The following PTPN2 variants were observed in gnomAD, a reference collection of about 807,000 sequenced individuals.
PTPN2 encodes the protein tyrosine-protein phosphatase non-receptor type 2.
Under a neutral mutation model 57.3 loss-of-function variants are expected in PTPN2, and 19 were observed. That is an observed-to-expected ratio of 0.33 (90% CI 0.23 to 0.49). The LOEUF (loss-of-function observed/expected upper bound fraction) is 0.49. Among genes scored for constraint, PTPN2 ranks in the 20% least tolerant of loss-of-function variants. The pLI is 0.99. For missense variants in PTPN2, 358 were observed against 501.1 expected (o/e 0.71, Z 2.73); for synonymous variants, 153 against 164.9 (o/e 0.93, Z 0.55).
At chr18:12,843,051 C>A (rs1449571724) in intron 2 of PTPN2, among the ~76,000 whole-genome samples, 2 of 152,090 alleles carry the variant, frequency 1.3e-5, no homozygotes, top group African/African-American at 4.8e-5. Flanking sequence ...TGGAATTTTG[C>A]GACGCAGATG....
At chr18:12,814,750 T>C (rs915562359) in intron 6 of PTPN2, among the ~76,000 whole-genome samples, 1 of 152,040 alleles carries the variant, frequency 6.6e-6, no homozygotes, top group East Asian at 1.9e-4. Flanking sequence ...GCCTCCTTCA[T>C]GTCTGCACTA....
chr18:12,824,438 T>A (rs2042376564), intron 5 of PTPN2, among the ~76,000 whole-genome samples: 1 of 152,200 alleles, frequency 6.6e-6, no homozygotes, highest in South Asian at 2.1e-4. Context: ...AAAAAGCATG[T>A]ATATATCTCC....
chr18:12,864,804 T>A (rs866900336), intron 1 of PTPN2, among the ~76,000 whole-genome samples: 1 of 152,240 alleles, frequency 6.6e-6, no homozygotes, highest in East Asian at 1.9e-4. Context: ...GAGATATATA[T>A]GCATGGCTTA....
rs79105510 is a variant in PTPN2, at chr18:12,804,441, A to G, written c.859-2290T>C. ...AATGGAAATAAAGTGACCAAAAAAAAGAAACGAAAGATCAACAAAACCAAG... is the reference window on the plus strand; with the variant it reads ...AATGGAAATAAAGTGACCAAAAAAAGGAAACGAAAGATCAACAAAACCAAG... On this transcript the variant is annotated intron_variant, in intron 7 of 8. Transcript: ENST00000309660. Among the ~76,000 whole-genome samples the G allele has an allele frequency of 4.0e-5, 6 of 148,444 alleles. No individual in the cohort carries two copies. The South Asian group carries it at 1.3e-3, about 32-fold the overall frequency.
chr18:12,807,514 G>A lies in PTPN2; in HGVS notation c.859-5363C>T, dbSNP rs1253548060. Among the ~76,000 whole-genome samples, 2 of 130,418 alleles carry A rather than the reference G, an allele frequency of 1.5e-5. 1 individual carries two copies. The highest frequency in any genetic ancestry group is 5.8e-5 in the African/African-American group (2 of 34,586). The allele number at this position is 130,418 out of a possible 152,430, so 85.6% of individuals were successfully genotyped here. A position where few individuals can be genotyped will look rare whatever the true frequency, so the allele number is the denominator to read the frequency against. ...TTGCAGCACTATTCACAGTAGTCAA[G>A]ATACGGAATCAACCTAAATGTCCAT... On this transcript the variant is annotated intron_variant, in intron 7 of 8. Transcript: ENST00000309660.
intron 5 of PTPN2, among the ~76,000 whole-genome samples, chr18:12,818,659 G>GTT (rs762467729): frequency 3.5e-5 from 5 of 143,764 alleles, no homozygotes; most frequent in Admixed American, 2.1e-4. Context: ...ATTGTAGGAG[G>GTT]TTTTTTTTTT....
intron 2 of PTPN2, among the ~76,000 whole-genome samples, chr18:12,847,010 A>G (rs2043232429): frequency 6.6e-6 from 1 of 150,686 alleles, no homozygotes; most frequent in African/African-American, 2.4e-5. Context: ...TCTCTTTACT[A>G]CCCTATGACA....
chr18:12,870,272 T>TAC (rs1248271218), intron 1 of PTPN2, among the ~76,000 whole-genome samples: 1 of 93,148 alleles, frequency 1.1e-5, no homozygotes, highest in Non-Finnish European at 1.9e-5. Flanking sequence ...TATATATATA[T>TAC]GTATATATAT....
intron 1 of PTPN2, among the ~76,000 whole-genome samples, chr18:12,870,865 T>C (rs902178345): frequency 6.6e-6 from 1 of 152,038 alleles, no homozygotes; most frequent in African/African-American, 2.4e-5. Context: ...ATGCTCCCTA[T>C]GTATACATGG....
chr18:12,798,263 A>G (rs1315207180), intron 8 of PTPN2, among the ~76,000 whole-genome samples: 1 of 152,196 alleles, frequency 6.6e-6, no homozygotes, highest in Non-Finnish European at 1.5e-5. Flanking sequence ...GTTCAGGGGT[A>G]CGTCCATGTG....
intron 5 of PTPN2, among the ~76,000 whole-genome samples, chr18:12,820,002 C>T (rs2042217519): frequency 6.6e-6 from 1 of 152,202 alleles, no homozygotes; most frequent in Non-Finnish European, 1.5e-5. Context: ...TGGGCTACGG[C>T]CCAGTACCCC....
intron 1 of PTPN2, among the ~76,000 whole-genome samples, chr18:12,861,004 TTTTG>T (rs758852724): frequency 1.3e-5 from 2 of 152,100 alleles, no homozygotes; most frequent in Non-Finnish European, 2.9e-5. Flanking sequence ...TTAGGTGCCA[TTTTG>T]TTTATTTGTT....
chr18:12,840,952 T>C lies in PTPN2; in HGVS notation c.161-4061A>G, dbSNP rs2043024271. On this transcript the variant is annotated intron_variant, in intron 2 of 8. Transcript: ENST00000309660. ...CTCCATGATGAACTGGTCTGTTCCC[T>C]GCATTGAATACTTTCAGCAATCATA... The C allele has an allele frequency of 4.8e-6, 7 of 1,471,492 alleles. No individual in the cohort carries two copies. The East Asian group carries it at 1.2e-4, about 26-fold the overall frequency. The allele number at this position is 1,471,492 out of a possible 1,614,324, so 91.2% of individuals were successfully genotyped here.
At chr18:12,788,265 C>T (rs2040891690), downstream of PTPN2, 1 of 152,560 alleles carries the variant, frequency 6.6e-6, no homozygotes, top group Non-Finnish European at 1.5e-5. Context: ...TCAAAACATA[C>T]TGTATAACGT....
intron 5 of PTPN2, among the ~76,000 whole-genome samples, chr18:12,825,158 C>T (rs2042404253): frequency 6.6e-6 from 1 of 152,090 alleles, no homozygotes; most frequent in African/African-American, 2.4e-5. Flanking sequence ...CCACATGCCA[C>T]ATTTATACAT....
intron 2 of PTPN2, among the ~76,000 whole-genome samples, chr18:12,852,301 G>T (rs2043424862): frequency 6.6e-6 from 1 of 151,254 alleles, no homozygotes; most frequent in South Asian, 2.1e-4. Context: ...AGACCAAATA[G>T]TAAACTGGGA....
In PTPN2 at chr18:12,802,061, T is replaced by G. The variant is rs774661475; in HGVS notation, c.949A>C (p.Arg317=). The G allele has an allele frequency of 2.9e-5, 46 of 1,612,932 alleles. No individual in the cohort carries two copies. The highest frequency in any genetic ancestry group is 3.8e-5 in the Non-Finnish European group (45 of 1,179,378). ...KIMTEKYNGN[R]IGLEEEKLTG... ...AGTTTTTCTTCTTCTAGACCTATTC[T>G]GTTCCCATTGTATTTTTCAGTCATT... The change falls in exon 8 of 9, where the codon AGA becomes CGA. Residue 317 remains arginine, a synonymous_variant. Coordinates refer to ENST00000309660, the MANE Select transcript of PTPN2 (RefSeq NM_002828.4).
At chr18:12,828,999 G>A (rs2042574267) in intron 4 of PTPN2, among the ~76,000 whole-genome samples, 1 of 152,156 alleles carries the variant, frequency 6.6e-6, no homozygotes, top group Non-Finnish European at 1.5e-5. Flanking sequence ...CTGGCCTCAA[G>A]TGATCCTCCT....
chr18:12,824,911 C>T (rs1437680426), intron 5 of PTPN2, among the ~76,000 whole-genome samples: 1 of 152,014 alleles, frequency 6.6e-6, no homozygotes, highest in Non-Finnish European at 1.5e-5. Context: ...CAAGGCAAGA[C>T]CCCATCTCTA....
Sources: gnomAD v4.1 joint callset for allele counts (sites outside exome capture counted in the v4.1 genomes callset) on GRCh38, gnomAD v4.1.1 for gene constraint, MANE v1.5 for transcripts, NCBI Gene and HGNC (gene_info 2026-07-23, HGNC 2026-07-21) for gene names.